PRKN: variants seen among roughly 807,000 people sequenced by gnomAD.
PRKN encodes the protein E3 ubiquitin-protein ligase parkin.
PRKN carries 56 observed loss-of-function variants against 59.5 expected under a neutral mutation model. That is an observed-to-expected ratio of 0.94 (90% confidence interval 0.76 to 1.18). The LOEUF (loss-of-function observed/expected upper bound fraction) is 1.18, where lower values mean the gene tolerates loss of function less well. Ranked by LOEUF, PRKN falls within the 50% of genes most tolerant of loss-of-function variation. The pLI is 0.00. For synonymous variants in PRKN, 250 were observed against 222.1 expected (o/e 1.13, Z -1.12); for missense variants, 657 against 596.4 (o/e 1.10, Z -1.06).
In PRKN at chr6:161,389,842, C is replaced by T. The variant is rs1786429535; in HGVS notation, c.1084-2965G>A. On this transcript the variant is annotated intron_variant, in intron 9 of 11. Coordinates refer to ENST00000366898, the MANE Select transcript of PRKN (RefSeq NM_004562.3). ...ATCAGTTTCATGGTAGAGGAACACC[C>T]TGGAGGCTGATCAGTTTGTCAGAAT... 1.3e-5 allele frequency among the ~76,000 whole-genome samples: 2 copies of T among 152,212 alleles called. 1 individual carries two copies. The highest frequency in any genetic ancestry group is 4.1e-4 in the South Asian group (2 of 4,834).
chr6:161,742,987 T>C (rs1263938820), intron 7 of PRKN, among the ~76,000 whole-genome samples: 1 of 152,136 alleles, frequency 6.6e-6, no homozygotes, highest in African/African-American at 2.4e-5. Context: ...AGTTTAAGAT[T>C]CTCTAAGCTA....
rs1338127803 is a variant in PRKN at position 161,385,812 on chromosome 6, C to G, written c.1167+982G>C. 6.6e-6 allele frequency among the ~76,000 whole-genome samples: 1 copy of G among 152,176 alleles called. No homozygotes were observed. Among genetic ancestry groups the G allele is most frequent in the Non-Finnish European group, 1.5e-5 (1 of 68,032 alleles). Reference sequence around the variant, plus strand: ...GCTAAAATAAAATTAACAGAAAGAGCATTTGCTGCCTGGGCTATGGAAATG... The same window carrying G: ...GCTAAAATAAAATTAACAGAAAGAGGATTTGCTGCCTGGGCTATGGAAATG... On this transcript the variant is annotated intron_variant, in intron 10 of 11. Transcript: ENST00000366898. The surrounding 1 kb of genome is among the most constrained non-coding windows in gnomAD (Gnocchi z 4.9).
chr6:162,372,526 A>T (rs1239363101), intron 2 of PRKN, among the ~76,000 whole-genome samples: 1 of 152,150 alleles, frequency 6.6e-6, no homozygotes, highest in African/African-American at 2.4e-5. Flanking sequence ...CACGGACATA[A>T]ATATGGCAAC....
chr6:162,281,807 C>T (rs1247821320), intron 2 of PRKN, among the ~76,000 whole-genome samples: 1 of 152,132 alleles, frequency 6.6e-6, no homozygotes, highest in Non-Finnish European at 1.5e-5. Context: ...ATGCAGTCTA[C>T]AGCAGCAGTC....
intron 1 of PRKN, among the ~76,000 whole-genome samples, chr6:162,613,221 C>T (rs1010657672): frequency 1.3e-5 from 2 of 152,158 alleles, no homozygotes; most frequent in Admixed American, 6.5e-5. Context: ...TAAGATATTC[C>T]TTGCACTTAG....
intron 6 of PRKN, among the ~76,000 whole-genome samples, chr6:161,789,577 C>G (rs1490176869): frequency 5.3e-5 from 8 of 152,304 alleles, no homozygotes; most frequent in African/African-American, 7.2e-5. Flanking sequence ...TTCTCTGGAG[C>G]CTAACACCTC....
At chr6:162,347,168 T>C (rs1784438207) in intron 2 of PRKN, among the ~76,000 whole-genome samples, 1 of 151,452 alleles carries the variant, frequency 6.6e-6, no homozygotes, top group African/African-American at 2.4e-5. Context: ...TTATCCATTT[T>C]CTTTAGGTTC....
rs112038739 is a variant in PRKN, at chr6:162,078,886, A to AGATT, written c.535-24713_535-24712insAATC. On this transcript the variant is annotated intron_variant, in intron 4 of 11. Transcript: ENST00000366898. Reference sequence around the variant, plus strand: ...TAATAATTAATACTTAATAATTAATAAATACTTTAAAAAAGATTAGGTAAG... The same window carrying AGATT: ...TAATAATTAATACTTAATAATTAATAGATTAATACTTTAAAAAAGATTAGGTAAG... 3.3e-3 allele frequency among the ~76,000 whole-genome samples: 506 copies of AGATT among 151,552 alleles called. 8 individuals are homozygous for AGATT. Among genetic ancestry groups the AGATT allele is most frequent in the African/African-American group, 0.012 (475 of 41,242 alleles).
Position 161,405,607 on chromosome 6 carries a change from A to AAAATAAATAAATAAAT in PRKN, c.1084-18746_1084-18731dup, listed in dbSNP as rs10655203. On this transcript the variant is annotated intron_variant, in intron 9 of 11. Coordinates refer to ENST00000366898, the MANE Select transcript of PRKN (RefSeq NM_004562.3). The surrounding 1 kb of genome is among the most constrained non-coding windows in gnomAD (Gnocchi z 5.1). Reference sequence around the variant, plus strand: ...AAAAAATAAAATAAAATAAAAATTAAAAATAAATAAATAAATAAATAAATA... The same window carrying AAAATAAATAAATAAAT: ...AAAAAATAAAATAAAATAAAAATTAAAAATAAATAAATAAATAAATAAATAAATAAATAAATAAATA... Among the ~76,000 whole-genome samples the AAAATAAATAAATAAAT allele has an allele frequency of 6.9e-6, 1 of 145,030 alleles. No individual in the cohort carries two copies. The highest frequency in any genetic ancestry group is 1.5e-5 in the Non-Finnish European group (1 of 66,442).
Position 161,462,179 on chromosome 6 carries a change from A to C in PRKN, c.1084-75302T>G, listed in dbSNP as rs1394065742. Among the ~76,000 whole-genome samples the C allele has an allele frequency of 6.6e-6, 1 of 152,230 alleles. No individual in the cohort carries two copies. Among genetic ancestry groups the C allele is most frequent in the Non-Finnish European group, 1.5e-5 (1 of 68,042 alleles). ...ATCCTTTTCATCTTTGCACAATATTAGCCTCTACTGTCTTCCAATATGACC... is the reference window on the plus strand; with the variant it reads ...ATCCTTTTCATCTTTGCACAATATTCGCCTCTACTGTCTTCCAATATGACC... On this transcript the variant is annotated intron_variant, in intron 9 of 11. Transcript: ENST00000366898. This position sits in a 1 kb window ranked among gnomAD's most constrained non-coding sequence, Gnocchi z 4.5.
chr6:162,414,212 C>T (rs1212410570), intron 2 of PRKN, among the ~76,000 whole-genome samples: 6 of 151,998 alleles, frequency 3.9e-5, no homozygotes, highest in Non-Finnish European at 8.8e-5. Flanking sequence ...ATTTCAGATA[C>T]AGAGCTGTTG....
chr6:161,703,831 CTCTCTCTCTTTTTTTTTTTTT>C (rs1266787038), intron 7 of PRKN, among the ~76,000 whole-genome samples: 136 of 133,398 alleles, frequency 1.0e-3, no homozygotes, highest in Non-Finnish European at 1.7e-3. Context: ...CTCTCTCTCT[CTCTCTCTCTTTTTTTTTTTTT>C]TTTTTTTTTT....
chr6:161,759,692 C>T lies in PRKN; in HGVS notation c.871+26080G>A, dbSNP rs374991885. 2.9e-4 allele frequency among the ~76,000 whole-genome samples: 44 copies of T among 152,266 alleles called. 1 individual carries two copies. In the South Asian group the frequency reaches 8.7e-3, roughly 30 times the overall value. On this transcript the variant is annotated intron_variant, in intron 7 of 11. Coordinates refer to ENST00000366898, the MANE Select transcript of PRKN (RefSeq NM_004562.3). ...GACTCACATACATTTCACTTAATTGCTAGATCCTTCCACGCAGTTTTCCCA... is the reference window on the plus strand; with the variant it reads ...GACTCACATACATTTCACTTAATTGTTAGATCCTTCCACGCAGTTTTCCCA...
chr6:161,994,004 T>G (rs1361087260), intron 5 of PRKN, among the ~76,000 whole-genome samples: 2 of 152,008 alleles, frequency 1.3e-5, no homozygotes, highest in African/African-American at 4.8e-5. Context: ...CCCAAACACC[T>G]CCCACTAGGC....
chr6:162,262,408 G>A, intron 3 of PRKN, 117 bp downstream of exon 3: 1 of 1,215,138 alleles, frequency 8.2e-7, no homozygotes, highest in Non-Finnish European at 1.2e-6. Flanking sequence ...GTGAATTAGA[G>A]ACTCCAATCC....
chr6:161,455,545 G>T (rs533394933), intron 9 of PRKN, among the ~76,000 whole-genome samples: 1 of 152,150 alleles, frequency 6.6e-6, no homozygotes, highest in African/African-American at 2.4e-5. Flanking sequence ...AATCACATCC[G>T]GTCCCTGGTG....
rs1371295530 is a variant in PRKN at position 161,399,149 on chromosome 6, G to A, written c.1084-12272C>T. Among the ~76,000 whole-genome samples the A allele has an allele frequency of 6.6e-6, 1 of 152,050 alleles. No individual in the cohort carries two copies. Among genetic ancestry groups the A allele is most frequent in the East Asian group, 1.9e-4 (1 of 5,186 alleles). ...GGCTGCTGGACGGCCCAACTCCAGG[G>A]GAAGATCATCTTTCTACTCCATCCC... On this transcript the variant is annotated intron_variant, in intron 9 of 11. Coordinates refer to ENST00000366898, the MANE Select transcript of PRKN (RefSeq NM_004562.3). The surrounding 1 kb of genome is among the most constrained non-coding windows in gnomAD (Gnocchi z 4.4).
At chr6:162,490,178 C>T (rs1170892057) in intron 1 of PRKN, among the ~76,000 whole-genome samples, 1 of 152,128 alleles carries the variant, frequency 6.6e-6, no homozygotes, top group African/African-American at 2.4e-5. Context: ...CCTCTACACC[C>T]TTATTACTTT....
At chr6:161,594,174 C>G (rs533489572) in intron 7 of PRKN, among the ~76,000 whole-genome samples, 2 of 151,846 alleles carry the variant, frequency 1.3e-5, no homozygotes, top group East Asian at 1.9e-4. Context: ...AAAAAACAAA[C>G]AAAAAAAGAA....
Sources: gnomAD v4.1 joint callset for allele counts (sites outside exome capture counted in the v4.1 genomes callset) on GRCh38, gnomAD v4.1.1 for gene constraint, Gnocchi (gnomAD v3.1) non-coding constraint, MANE v1.5 for transcripts, NCBI Gene and HGNC (gene_info 2026-07-23, HGNC 2026-07-21) for gene names.